Variants in THADA observed in about 807,000 individuals in gnomAD.
The protein encoded by THADA is tRNA (32-2'-O)-methyltransferase regulator THADA.
Under a neutral mutation model 219.8 loss-of-function variants are expected in THADA, and 213 were observed. The observed-to-expected ratio is 0.97, with a 90% CI of 0.87 to 1.09. THADA has a LOEUF of 1.09. THADA is among the 50% of genes least tolerant of loss of function. The pLI is 0.00. For synonymous variants in THADA, 1,018 were observed against 828.9 expected (o/e 1.23, Z -3.92); for missense variants, 2,956 against 2,311.3 (o/e 1.28, Z -5.72).
chr2:43,437,851 T>G lies in THADA; in HGVS notation c.3837-7549A>C, dbSNP rs138148552. On this transcript the variant is annotated intron_variant, in intron 26 of 37. Transcript: ENST00000405975. ...AATGGGGAGAACATTTGTATATATATATCTAAGAATTACATAATCAGTATC... is the reference window on the plus strand; with the variant it reads ...AATGGGGAGAACATTTGTATATATAGATCTAAGAATTACATAATCAGTATC... 5.5e-4 allele frequency among the ~76,000 whole-genome samples: 84 copies of G among 152,284 alleles called. 1 individual carries two copies. Among genetic ancestry groups the G allele is most frequent in the South Asian group, 1.4e-3 (7 of 4,830 alleles).
intron 31 of THADA, among the ~76,000 whole-genome samples, chr2:43,316,003 G>C (rs1325410520): frequency 6.6e-6 from 1 of 152,168 alleles, no homozygotes; most frequent in African/African-American, 2.4e-5. Context: ...AGCCTCACCA[G>C]TCACACCTGC....
chr2:43,332,581 T>A (rs879519714), intron 30 of THADA, among the ~76,000 whole-genome samples: 6 of 152,212 alleles, frequency 3.9e-5, no homozygotes, highest in Admixed American at 6.5e-5. Context: ...ACAAAGGTGT[T>A]AATTTATCCA....
intron 26 of THADA, among the ~76,000 whole-genome samples, chr2:43,484,613 T>C (rs1049556888): frequency 6.6e-6 from 1 of 152,142 alleles, no homozygotes; most frequent in African/African-American, 2.4e-5. Context: ...TGCATTTTTA[T>C]CTAAAAACTA....
intron 36 of THADA, among the ~76,000 whole-genome samples, chr2:43,263,035 T>C (rs1168921638): frequency 1.3e-5 from 2 of 152,214 alleles, no homozygotes; most frequent in Non-Finnish European, 2.9e-5. Flanking sequence ...CCTTGGCCTT[T>C]GAAAATCTGG....
chr2:43,268,151 A>C (rs960408583), intron 36 of THADA, among the ~76,000 whole-genome samples: 1 of 152,190 alleles, frequency 6.6e-6, no homozygotes, highest in Non-Finnish European at 1.5e-5. Flanking sequence ...ACTTCTGACA[A>C]ACCCAATTAC....
chr2:43,515,189 A>T (rs1414998555), intron 22 of THADA, among the ~76,000 whole-genome samples: 1 of 60,476 alleles, frequency 1.7e-5, no homozygotes, highest in African/African-American at 7.2e-5. Flanking sequence ...TATATATAAT[A>T]TATTATATAT....
intron 21 of THADA, among the ~76,000 whole-genome samples, chr2:43,529,238 G>A (rs961508756): frequency 5.3e-5 from 8 of 151,604 alleles, no homozygotes; most frequent in Admixed American, 2.6e-4. Flanking sequence ...CTGTAACCTC[G>A]AACTCCTAGG....
chr2:43,500,306 A>G (rs1688788986), intron 24 of THADA, among the ~76,000 whole-genome samples: 1 of 152,214 alleles, frequency 6.6e-6, no homozygotes, highest in Admixed American at 6.5e-5. Context: ...CAGTTGCTAG[A>G]AATGTTCTAT....
At chr2:43,581,444 C>G (rs1177805461) in intron 8 of THADA, among the ~76,000 whole-genome samples, 1 of 151,088 alleles carries the variant, frequency 6.6e-6, no homozygotes. Flanking sequence ...GCACGAGAAT[C>G]GCTTGAACCT....
intron 25 of THADA, among the ~76,000 whole-genome samples, chr2:43,491,562 T>G (rs1687641987): frequency 6.6e-6 from 1 of 152,206 alleles, no homozygotes; most frequent in African/African-American, 2.4e-5. Context: ...TTTCTATGTT[T>G]AGACATACAA....
chr2:43,254,308 A>T (rs1670095284), intron 36 of THADA, among the ~76,000 whole-genome samples: 1 of 152,068 alleles, frequency 6.6e-6, no homozygotes, highest in African/African-American at 2.4e-5. Context: ...CCAACCTAGG[A>T]GCAGAAGGGA....
chr2:43,487,649 G>A (rs1305080615), intron 25 of THADA, among the ~76,000 whole-genome samples: 1 of 152,144 alleles, frequency 6.6e-6, no homozygotes, highest in Non-Finnish European at 1.5e-5. Context: ...AGGCCCTTGG[G>A]AAATAATTAA....
chr2:43,435,203 C>T (rs976501800), intron 26 of THADA, among the ~76,000 whole-genome samples: 23 of 152,294 alleles, frequency 1.5e-4, no homozygotes, highest in South Asian at 6.2e-4. Flanking sequence ...GACTGTAATC[C>T]GAGCACTTTG....
intron 21 of THADA, among the ~76,000 whole-genome samples, chr2:43,533,618 T>C (rs992913575): frequency 6.6e-6 from 1 of 152,160 alleles, no homozygotes; most frequent in Non-Finnish European, 1.5e-5. Context: ...GAAGCCATCA[T>C]CCTCAGCAAA....
Position 43,292,109 on chromosome 2 carries a change from A to C in THADA, c.4932T>G (p.Asn1644Lys). The C allele has an allele frequency of 6.2e-7, 1 of 1,601,260 alleles. No homozygotes were observed. The highest frequency in any genetic ancestry group is 8.5e-7 in the Non-Finnish European group (1 of 1,174,312). ...AGGAGGTTTTGGGGGCAAACCTTTC[A>C]TTGGAAGCAATATCCATCGTCCAGA... ...FLIWTMDIAS[N>K]ERSEIQSVAL... The change falls in exon 33 of 38, where the codon AAT becomes AAG. Residue 1644 changes from asparagine to lysine, a missense_variant. Physicochemically the swap from Asn to Lys is moderately conservative, Grantham distance 94. Transcript: ENST00000405975.
chr2:43,368,220 G>A (rs1179963383), intron 29 of THADA, among the ~76,000 whole-genome samples: 1 of 152,098 alleles, frequency 6.6e-6, no homozygotes, highest in Non-Finnish European at 1.5e-5. Context: ...GTTAAGATGT[G>A]GATAATAATT....
chr2:43,488,960 A>G (rs929841073), intron 25 of THADA, among the ~76,000 whole-genome samples: 1 of 152,140 alleles, frequency 6.6e-6, no homozygotes, highest in Non-Finnish European at 1.5e-5. Flanking sequence ...CCATCTGCCT[A>G]TCTTTTTTGG....
At chr2:43,508,887 G>C (rs987199519) in intron 22 of THADA, 107 bp from the exon 23 acceptor site, 2 of 1,100,166 alleles carry the variant, frequency 1.8e-6, no homozygotes, top group South Asian at 3.4e-5. Flanking sequence ...TCCTTATATT[G>C]AGTGGGGGTG....
intron 18 of THADA, 138 bp downstream of exon 18, chr2:43,552,066 C>T (rs573026353): frequency 1.3e-5 from 19 of 1,505,344 alleles, no homozygotes; most frequent in Middle Eastern, 1.7e-4. Context: ...TACACAGATA[C>T]GTATGTTTTT....
Sources: allele counts gnomAD v4.1 joint callset (sites outside exome capture counted in the v4.1 genomes callset), GRCh38; gene constraint gnomAD v4.1.1; transcripts MANE v1.5; gene names NCBI Gene and HGNC (gene_info 2026-07-23, HGNC 2026-07-21).